Variants in CCSER1 observed in about 807,000 individuals in gnomAD.
The protein encoded by CCSER1 is coiled-coil serine rich protein 1.
A neutral mutation model predicts 82.0 loss-of-function variants in CCSER1; 41 were observed. The ratio of observed to expected loss-of-function variants is 0.50; its 90% confidence interval spans 0.39 to 0.65. CCSER1 has a LOEUF of 0.65. Ranked by LOEUF, CCSER1 falls within the 30% of genes least tolerant of loss-of-function variation. The probability of loss-of-function intolerance (pLI) is 0.00; values close to 1 mark genes in which losing one functional copy is unlikely to be tolerated. For synonymous variants in CCSER1, 414 were observed against 383.9 expected, an observed-to-expected ratio of 1.08 and a Z score of -0.92; for missense variants, 1,119 against 1,064.2, an observed-to-expected ratio of 1.05 and a Z score of -0.72.
At chr4:91,221,789 A>G (rs13146287) in intron 10 of CCSER1, among the ~76,000 whole-genome samples, 63,009 of 151,876 alleles carry the variant, frequency 0.41, 13,714 homozygotes, top group East Asian at 0.84. Context: ...TATATGCTCT[A>G]ATGCTGGAAA....
intron 4 of CCSER1, among the ~76,000 whole-genome samples, chr4:90,429,617 G>C (rs1336526779): frequency 6.6e-6 from 1 of 151,770 alleles, no homozygotes; most frequent in Non-Finnish European, 1.5e-5. Flanking sequence ...GTTACAAACT[G>C]AACTTGGTGA....
chr4:90,642,650 G>C (rs1203849829), intron 6 of CCSER1, among the ~76,000 whole-genome samples: 2 of 152,158 alleles, frequency 1.3e-5, no homozygotes, highest in African/African-American at 4.8e-5. Flanking sequence ...ACAAGCCTGG[G>C]CAACATAGAG....
intron 6 of CCSER1, among the ~76,000 whole-genome samples, chr4:90,637,265 G>T (rs1308691575): frequency 6.6e-6 from 1 of 152,124 alleles, no homozygotes; most frequent in Non-Finnish European, 1.5e-5. Flanking sequence ...TGCTCAAGAG[G>T]CCTCAGTTCC....
intron 8 of CCSER1, among the ~76,000 whole-genome samples, chr4:90,819,494 A>G (rs1339733470): frequency 1.3e-5 from 2 of 151,828 alleles, no homozygotes; most frequent in East Asian, 2.0e-4. Context: ...TTTCTACCAT[A>G]TGATTTCAAA....
At chr4:91,345,372 G>A (rs1747986125) in intron 10 of CCSER1, among the ~76,000 whole-genome samples, 1 of 152,014 alleles carries the variant, frequency 6.6e-6, no homozygotes, top group South Asian at 2.1e-4. Flanking sequence ...GGGAGACAGA[G>A]TGAAACTCCA....
chr4:90,666,284 A>G (rs1011559928), intron 6 of CCSER1, among the ~76,000 whole-genome samples: 1 of 152,156 alleles, frequency 6.6e-6, no homozygotes, highest in African/African-American at 2.4e-5. Flanking sequence ...TTAAATCTTG[A>G]TTACTAAGTC....
chr4:90,971,136 C>G (rs1359888320), intron 9 of CCSER1, among the ~76,000 whole-genome samples: 3 of 151,746 alleles, frequency 2.0e-5, no homozygotes, highest in African/African-American at 2.4e-5. Flanking sequence ...TGTTCTCATA[C>G]TATGATAAAG....
intron 1 of CCSER1, among the ~76,000 whole-genome samples, chr4:90,220,518 A>T (rs776979178): frequency 6.6e-6 from 1 of 151,520 alleles, no homozygotes; most frequent in Non-Finnish European, 1.5e-5. Flanking sequence ...AATGAACAGG[A>T]TTTCTGACAA....
At chr4:91,427,239 G>T (rs1754039903) in intron 10 of CCSER1, among the ~76,000 whole-genome samples, 1 of 152,122 alleles carries the variant, frequency 6.6e-6, no homozygotes, top group South Asian at 2.1e-4. Context: ...CACATTGATT[G>T]CTCCAAGGGG....
At chr4:91,508,549 T>A (rs1759650659) in intron 10 of CCSER1, among the ~76,000 whole-genome samples, 1 of 149,824 alleles carries the variant, frequency 6.7e-6, no homozygotes, top group Non-Finnish European at 1.5e-5. Context: ...TAAAAGTTAC[T>A]GGTCTGTAGT....
chr4:90,498,208 G>C (rs1260937003), intron 5 of CCSER1, among the ~76,000 whole-genome samples: 4 of 151,984 alleles, frequency 2.6e-5, no homozygotes, highest in African/African-American at 9.7e-5. Context: ...AGGCACAGTT[G>C]GAGATTGACA....
At chr4:90,765,297 C>G (rs1394805258) in intron 7 of CCSER1, among the ~76,000 whole-genome samples, 1 of 152,128 alleles carries the variant, frequency 6.6e-6, no homozygotes, top group Non-Finnish European at 1.5e-5. Context: ...TTCTGAATTA[C>G]TGCATAAAAT....
At chr4:90,615,677 T>C (rs1003744165) in intron 5 of CCSER1, among the ~76,000 whole-genome samples, 2 of 47,842 alleles carry the variant, frequency 4.2e-5, no homozygotes, top group Non-Finnish European at 6.7e-5. Context: ...AAAGTGTTGT[T>C]TTTTTTTTTT....
chr4:90,389,980 T>C (rs926565818), intron 3 of CCSER1, among the ~76,000 whole-genome samples: 22 of 152,322 alleles, frequency 1.4e-4, no homozygotes, highest in African/African-American at 5.3e-4. Flanking sequence ...TAGCACCTAT[T>C]ATATGTATTG....
At chr4:90,546,731 T>G (rs146787523) in intron 5 of CCSER1, among the ~76,000 whole-genome samples, 121 of 152,284 alleles carry the variant, frequency 7.9e-4, no homozygotes, top group African/African-American at 2.8e-3. Context: ...CATTGTGTTC[T>G]TTCTTCGAGA....
At chr4:90,270,306 A>G (rs1017922735) in intron 1 of CCSER1, among the ~76,000 whole-genome samples, 1 of 152,106 alleles carries the variant, frequency 6.6e-6, no homozygotes, top group Non-Finnish European at 1.5e-5. Context: ...CATTAAAAAG[A>G]TCATTCATAA....
At chr4:90,875,828 T>C (rs2150050143) in intron 8 of CCSER1, among the ~76,000 whole-genome samples, 1 of 152,210 alleles carries the variant, frequency 6.6e-6, no homozygotes, top group East Asian at 1.9e-4. Context: ...CAGATTTTCT[T>C]TGAGAATATT....
chr4:90,690,096 A>T (rs529478712), intron 6 of CCSER1, among the ~76,000 whole-genome samples: 34 of 152,082 alleles, frequency 2.2e-4, no homozygotes, highest in Non-Finnish European at 4.1e-4. Context: ...AGAATATGCA[A>T]TGTTAATCAT....
chr4:91,249,373 T>TA (rs140133189), intron 10 of CCSER1, among the ~76,000 whole-genome samples: 5,027 of 152,182 alleles, frequency 0.033, 140 homozygotes, highest in Non-Finnish European at 0.049. Flanking sequence ...CAAAAGAAAA[T>TA]ACGTTTTCAG....
Sources: gnomAD v4.1 joint callset for allele counts (sites outside exome capture counted in the v4.1 genomes callset) on GRCh38, gnomAD v4.1.1 for gene constraint, MANE v1.5 for transcripts, NCBI Gene and HGNC (gene_info 2026-07-23, HGNC 2026-07-21) for gene names.